Variants in SPATA17 observed in about 807,000 individuals in gnomAD.
SPATA17 encodes the protein spermatogenesis associated 17, also known as spermatogenesis-associated protein 17.
SPATA17 carries 53 observed loss-of-function variants against 62.2 expected under a neutral mutation model. The observed-to-expected ratio is 0.85, with a 90% CI of 0.68 to 1.07. SPATA17 has a LOEUF of 1.07. Ranked by LOEUF, SPATA17 falls within the 50% of genes least tolerant of loss-of-function variation. The pLI, the probability that SPATA17 is intolerant of heterozygous loss-of-function variation, is 0.00. For missense variants in SPATA17, 466 were observed against 425.5 expected (o/e 1.10, Z -0.84); for synonymous variants, 146 against 146.8 (o/e 0.99, Z 0.04).
intron 5 of SPATA17, among the ~76,000 whole-genome samples, chr1:217,702,391 C>T (rs1176245100): frequency 6.6e-6 from 1 of 152,012 alleles, no homozygotes; most frequent in African/African-American, 2.4e-5. Context: ...CTGTTCTTTT[C>T]CCACCCATTT....
intron 6 of SPATA17, among the ~76,000 whole-genome samples, chr1:217,771,402 CAT>C (rs1035737182): frequency 6.6e-6 from 1 of 151,796 alleles, no homozygotes; most frequent in African/African-American, 2.4e-5. Context: ...TTTTGTGACT[CAT>C]AGTAATATTT....
intron 9 of SPATA17, among the ~76,000 whole-genome samples, chr1:217,855,969 C>T (rs1571845904): frequency 6.6e-6 from 1 of 151,580 alleles, no homozygotes; most frequent in East Asian, 1.9e-4. Flanking sequence ...TCGTGTTCTG[C>T]CCCCCTGAAC....
chr1:217,845,579 C>G (rs879371305), intron 9 of SPATA17, among the ~76,000 whole-genome samples: 1 of 152,038 alleles, frequency 6.6e-6, no homozygotes, highest in Non-Finnish European at 1.5e-5. Flanking sequence ...TGCTTGGTTT[C>G]TGCAGCTCAG....
At chr1:217,673,582 T>A (rs906739605) in intron 4 of SPATA17, among the ~76,000 whole-genome samples, 1 of 152,190 alleles carries the variant, frequency 6.6e-6, no homozygotes, top group Non-Finnish European at 1.5e-5. Context: ...GTTAATATCT[T>A]ATGCAAACGC....
intron 9 of SPATA17, among the ~76,000 whole-genome samples, chr1:217,806,109 G>T (rs928858299): frequency 1.3e-5 from 2 of 152,212 alleles, no homozygotes; most frequent in African/African-American, 2.4e-5. Flanking sequence ...GGGAAAAATT[G>T]GAAGAAAGGA....
intron 9 of SPATA17, among the ~76,000 whole-genome samples, chr1:217,858,479 T>C (rs1196597780): frequency 2.0e-5 from 3 of 152,242 alleles, no homozygotes; most frequent in Non-Finnish European, 4.4e-5. Context: ...AGCAAGTGTT[T>C]CCTGTGCTTC....
chr1:217,764,824 C>A (rs1234314148), intron 6 of SPATA17, among the ~76,000 whole-genome samples: 1 of 151,974 alleles, frequency 6.6e-6, no homozygotes, highest in South Asian at 2.1e-4. Flanking sequence ...TTTTCTTATA[C>A]TTATTTGCCA....
intron 6 of SPATA17, among the ~76,000 whole-genome samples, chr1:217,772,722 G>T (rs1467630329): frequency 6.6e-6 from 1 of 152,276 alleles, no homozygotes; most frequent in East Asian, 1.9e-4. Context: ...CATTTATTGA[G>T]TGCCTACTAA....
intron 8 of SPATA17, among the ~76,000 whole-genome samples, chr1:217,801,428 T>C (rs1392994614): frequency 6.6e-6 from 1 of 152,204 alleles, no homozygotes; most frequent in Non-Finnish European, 1.5e-5. Flanking sequence ...TTTGGCATAA[T>C]TAATTCATAA....
intron 5 of SPATA17, among the ~76,000 whole-genome samples, chr1:217,736,034 T>C (rs940140198): frequency 8.6e-5 from 13 of 151,884 alleles, no homozygotes; most frequent in Non-Finnish European, 1.6e-4. Flanking sequence ...GTGCTCTTTT[T>C]CCTCAAAAAT....
At chr1:217,741,188 A>C (rs1259289028) in intron 5 of SPATA17, among the ~76,000 whole-genome samples, 1 of 152,166 alleles carries the variant, frequency 6.6e-6, no homozygotes, top group African/African-American at 2.4e-5. Context: ...TTATTTTAAC[A>C]CAAATAGTTA....
At chr1:217,781,767 G>C (rs1017769758) in intron 7 of SPATA17, among the ~76,000 whole-genome samples, 17 of 152,172 alleles carry the variant, frequency 1.1e-4, no homozygotes, top group African/African-American at 4.1e-4. Context: ...TTATAGAAGG[G>C]CTGTTGGAAA....
chr1:217,721,025 A>G (rs927613067), intron 5 of SPATA17, among the ~76,000 whole-genome samples: 1 of 152,218 alleles, frequency 6.6e-6, no homozygotes, highest in Admixed American at 6.5e-5. Flanking sequence ...AATACACTCT[A>G]GATTGTGAGT....
Position 217,742,008 on chromosome 1 carries a change from AAG to A in SPATA17, c.433_434del (p.Glu145ArgfsTer5). ...TGGAGGAGTTTGCAGAAATGAAAGA[AAG>A]AGAAGAGAAGAAGGCTAACCTCGAA... ...ALEEFAEMKE[R>X]EEKKANLERE... On this transcript the variant is annotated frameshift_variant, in exon 6 of 11. Transcript: ENST00000366933. LOFTEE classifies it high-confidence loss of function. 1 of 1,614,042 alleles carries A rather than the reference AAG, an allele frequency of 6.2e-7. No individual in the cohort carries two copies. Among genetic ancestry groups the A allele is most frequent in the Non-Finnish European group, 8.5e-7 (1 of 1,179,912 alleles).
intron 6 of SPATA17, among the ~76,000 whole-genome samples, chr1:217,748,617 C>A (rs1224391617): frequency 6.6e-6 from 1 of 150,962 alleles, no homozygotes; most frequent in African/African-American, 2.4e-5. Flanking sequence ...TGGTGGCGGG[C>A]GCCTGTAATC....
At chr1:217,828,017 C>G (rs1440664877) in intron 9 of SPATA17, among the ~76,000 whole-genome samples, 2 of 152,086 alleles carry the variant, frequency 1.3e-5, no homozygotes, top group Admixed American at 6.6e-5. Flanking sequence ...GCACATTTGG[C>G]ACACGTACCT....
chr1:217,652,906 A>G (rs1670358075), intron 3 of SPATA17, among the ~76,000 whole-genome samples: 1 of 152,108 alleles, frequency 6.6e-6, no homozygotes, highest in Non-Finnish European at 1.5e-5. Context: ...TGTGTGGGAG[A>G]TTTTTGTGAA....
chr1:217,713,268 A>G (rs567359234), intron 5 of SPATA17, among the ~76,000 whole-genome samples: 10 of 151,298 alleles, frequency 6.6e-5, no homozygotes, highest in Admixed American at 5.3e-4. Context: ...TTTTTTTCCT[A>G]GTGATTATTT....
chr1:217,734,210 C>T (rs915333303), intron 5 of SPATA17, among the ~76,000 whole-genome samples: 1 of 152,116 alleles, frequency 6.6e-6, no homozygotes, highest in Non-Finnish European at 1.5e-5. Flanking sequence ...TTAGCATTCT[C>T]TTTTTTCTTT....
Sources: gnomAD v4.1 joint callset for allele counts (sites outside exome capture counted in the v4.1 genomes callset) on GRCh38, gnomAD v4.1.1 for gene constraint, MANE v1.5 for transcripts, NCBI Gene and HGNC (gene_info 2026-07-23, HGNC 2026-07-21) for gene names.